PYHIN1: variants seen among roughly 807,000 people sequenced by gnomAD.
PYHIN1 encodes pyrin and HIN domain-containing protein 1.
Under a neutral mutation model 43.7 loss-of-function variants are expected in PYHIN1, and 32 were observed. That is an observed-to-expected ratio of 0.73 (90% CI 0.55 to 0.98). PYHIN1 has a LOEUF of 0.98. Among genes scored for constraint, PYHIN1 ranks in the 50% least tolerant of loss-of-function variants. The pLI is 0.00. For synonymous variants in PYHIN1, 205 were observed against 203.1 expected (o/e 1.01, Z -0.08); for missense variants, 588 against 589.5 (o/e 1.00, Z 0.03).
chr1:158,943,049 T>A (rs1344772974), intron 5 of PYHIN1, among the ~76,000 whole-genome samples: 1 of 152,172 alleles, frequency 6.6e-6, no homozygotes, highest in African/African-American at 2.4e-5. Flanking sequence ...ACTGTCAAAA[T>A]TCACGAAACT....
the PYHIN1 span, among the ~76,000 whole-genome samples, chr1:158,990,390 T>C: frequency 2.0e-5 from 3 of 152,158 alleles, no homozygotes; most frequent in Non-Finnish European, 2.9e-5. Flanking sequence ...TTTAATTTTC[T>C]AAGTTGACAG....
At chr1:158,979,231 G>T (rs973047554), downstream of PYHIN1, among the ~76,000 whole-genome samples, 1 of 152,112 alleles carries the variant, frequency 6.6e-6, no homozygotes, top group Non-Finnish European at 1.5e-5. Context: ...GCACAGTGTT[G>T]TGCAGCAGAT....
Position 158,977,042 on chromosome 1 carries a change from T to TG in PYHIN1, c.*347_*348insG, listed in dbSNP as rs914123736. Reference sequence around the variant, plus strand: ...TTCATAATTTGAAAAAAAATAAACTTTTTTTTCTTAAAGAGTGCTTCCATA... The same window carrying TG: ...TTCATAATTTGAAAAAAAATAAACTTGTTTTTTCTTAAAGAGTGCTTCCATA... On this transcript the variant is annotated 3_prime_UTR_variant, in exon 9 of 9. Transcript: ENST00000368140. 1 of 158,716 alleles carries TG rather than the reference T, an allele frequency of 6.3e-6. No homozygotes were observed. The highest frequency in any genetic ancestry group is 2.4e-5 in the African/African-American group (1 of 41,148). The allele number at this position is 158,716 out of a possible 1,614,324, so 9.8% of individuals were successfully genotyped here. A position where few individuals can be genotyped will look rare whatever the true frequency, so the allele number is the denominator to read the frequency against.
chr1:158,947,086 CACA>C (rs1649264748), intron 7 of PYHIN1, among the ~76,000 whole-genome samples: 1 of 152,154 alleles, frequency 6.6e-6, no homozygotes, highest in Non-Finnish European at 1.5e-5. Context: ...TCCTGTGCTT[CACA>C]ACATCATAAT....
At chr1:158,953,126 T>C (rs1013256205) in intron 7 of PYHIN1, among the ~76,000 whole-genome samples, 5 of 152,134 alleles carry the variant, frequency 3.3e-5, no homozygotes, top group Admixed American at 6.5e-5. Context: ...CGCTGATTGC[T>C]AGCACAGCAG....
chr1:158,971,337 G>A (rs549233308), intron 7 of PYHIN1, among the ~76,000 whole-genome samples: 20 of 151,950 alleles, frequency 1.3e-4, no homozygotes, highest in African/African-American at 4.8e-4. Context: ...ATTTGATATT[G>A]GAAGTAGAAC....
Position 158,943,953 on chromosome 1 carries a change from T to C in PYHIN1, c.1166T>C (p.Met389Thr). The C allele has an allele frequency of 6.2e-7, 1 of 1,607,028 alleles. No homozygotes were observed. Among genetic ancestry groups the C allele is most frequent in the Non-Finnish European group, 8.5e-7 (1 of 1,175,272 alleles). Residue 389 changes from methionine to threonine, a missense_variant, in exon 6 of 9, where the codon ATG (methionine) becomes ACG (threonine). Coordinates refer to ENST00000368140, the MANE Select transcript of PYHIN1 (RefSeq NM_152501.5). ...LRKRENMSKL[M>T]SEMHSFIQIQ... The stretch of plus-strand genomic sequence containing the variant: ...AAGAGGGAAAATATGTCAAAACTGA[T>C]GTCAGAAATGCATAGTTTCATCCAG...
intron 7 of PYHIN1, among the ~76,000 whole-genome samples, chr1:158,953,783 T>G (rs1376933725): frequency 5.9e-5 from 9 of 152,136 alleles, no homozygotes; most frequent in Non-Finnish European, 1.3e-4. Flanking sequence ...AAAGAAGGCT[T>G]CAGATGATCA....
rs941107971 is a variant in PYHIN1, at chr1:158,950,451, T to C, written c.1359+5409T>C. 3.3e-5 allele frequency among the ~76,000 whole-genome samples: 5 copies of C among 152,254 alleles called. No homozygotes were observed. In the East Asian group the frequency reaches 9.6e-4, roughly 29 times the overall value. ...TCATTTCTGGTACCAGGTTGGGTCC[T>C]AGCCACGCTGTGATATGGTTTGATG... On this transcript the variant is annotated intron_variant, in intron 7 of 8. Transcript: ENST00000368140.
chr1:158,957,467 T>C (rs1650014961), intron 7 of PYHIN1, among the ~76,000 whole-genome samples: 1 of 151,600 alleles, frequency 6.6e-6, no homozygotes, highest in Non-Finnish European at 1.5e-5. Context: ...TACAACTATC[T>C]GATCTTTGAC....
At chr1:158,937,467 A>G (rs932876401) in intron 2 of PYHIN1, among the ~76,000 whole-genome samples, 1 of 152,238 alleles carries the variant, frequency 6.6e-6, no homozygotes, top group Non-Finnish European at 1.5e-5. Flanking sequence ...TGACAAAATA[A>G]AATTATAAAA....
At chr1:158,981,543 T>C (rs1651486881), downstream of PYHIN1, among the ~76,000 whole-genome samples, 1 of 152,118 alleles carries the variant, frequency 6.6e-6, no homozygotes, top group South Asian at 2.1e-4. Context: ...AGTAGAACAA[T>C]TTATATTCCT....
chr1:158,944,490 A>C (rs1465550825), intron 6 of PYHIN1, among the ~76,000 whole-genome samples: 3 of 152,236 alleles, frequency 2.0e-5, no homozygotes, highest in Non-Finnish European at 4.4e-5. Context: ...AGGCAGAGAA[A>C]ATGTTGCATA....
chr1:158,951,094 AAGG>A (rs779146567), intron 7 of PYHIN1, among the ~76,000 whole-genome samples: 1 of 152,260 alleles, frequency 6.6e-6, no homozygotes, highest in African/African-American at 2.4e-5. Flanking sequence ...ACACCTGTTG[AAGG>A]AGGAGATGTG....
At chr1:158,977,694 T>G (rs1159226243), downstream of PYHIN1, among the ~76,000 whole-genome samples, 1 of 152,194 alleles carries the variant, frequency 6.6e-6, no homozygotes, top group Non-Finnish European at 1.5e-5. Context: ...CATTTAATCT[T>G]CACCGTAGCT....
intron 7 of PYHIN1, among the ~76,000 whole-genome samples, chr1:158,957,502 G>A (rs1326304807): frequency 6.6e-6 from 1 of 151,344 alleles, no homozygotes; most frequent in Non-Finnish European, 1.5e-5. Flanking sequence ...CAAGCAATGG[G>A]GAAAGGAATC....
At chr1:158,940,925 TA>T (rs1228699282) in intron 4 of PYHIN1, among the ~76,000 whole-genome samples, 1 of 152,232 alleles carries the variant, frequency 6.6e-6, no homozygotes, top group African/African-American at 2.4e-5. Context: ...TCTGAGCAGT[TA>T]TATGATCCCC....
chr1:158,939,370 A>T (rs534970205), intron 4 of PYHIN1, 123 bp downstream of exon 4: 1 of 1,601,046 alleles, frequency 6.2e-7, no homozygotes, highest in East Asian at 2.2e-5. Context: ...ATAGACTGAG[A>T]ATTCACTGCA....
chr1:158,965,463 G>A (rs957475332), intron 7 of PYHIN1, among the ~76,000 whole-genome samples: 1 of 152,074 alleles, frequency 6.6e-6, no homozygotes, highest in Non-Finnish European at 1.5e-5. Context: ...CTGCCACATA[G>A]CACACACTCT....
Sources: gnomAD v4.1 joint callset for allele counts (sites outside exome capture counted in the v4.1 genomes callset) on GRCh38, gnomAD v4.1.1 for gene constraint, MANE v1.5 for transcripts, NCBI Gene and HGNC (gene_info 2026-07-23, HGNC 2026-07-21) for gene names.